The following EPM2A variants were observed in gnomAD, a reference collection of about 807,000 sequenced individuals.
EPM2A encodes EPM2A glucan phosphatase, laforin.
In EPM2A, 21 loss-of-function variants were observed where a neutral mutation model predicts 26.5. The observed-to-expected ratio is 0.79, with a 90% CI of 0.56 to 1.14. The LOEUF (loss-of-function observed/expected upper bound fraction) is 1.14, where lower values mean the gene tolerates loss of function less well. EPM2A is among the 50% of genes most tolerant of loss of function. EPM2A has a pLI of 0.00. For missense variants in EPM2A, 458 were observed against 440.8 expected (o/e 1.04, Z -0.35); for synonymous variants, 217 against 177.6 (o/e 1.22, Z -1.76).
chr6:145,616,728 G>A (rs1381126031), intron 2 of EPM2A, among the ~76,000 whole-genome samples: 1 of 152,230 alleles, frequency 6.6e-6, no homozygotes, highest in Non-Finnish European at 1.5e-5. Flanking sequence ...ATGAGACATG[G>A]AGTCAAAGGA....
At chr6:145,502,604 T>G (rs1416898333) in intron 2 of EPM2A, 1 of 470,724 alleles carries the variant, frequency 2.1e-6, no homozygotes, top group Non-Finnish European at 4.4e-6. Context: ...GAGTGGCAGC[T>G]TATTAAAACC....
At chr6:145,384,505 A>G (rs1778232663) in intron 4 of EPM2A, among the ~76,000 whole-genome samples, 1 of 147,782 alleles carries the variant, frequency 6.8e-6, no homozygotes, top group African/African-American at 2.5e-5. Flanking sequence ...GTAGGCTCTA[A>G]ACTGGATCAG....
intron 1 of EPM2A, chr6:145,721,736 A>G (rs1775960457): frequency 6.6e-6 from 1 of 152,248 alleles, no homozygotes; most frequent in Non-Finnish European, 1.5e-5. Context: ...CAAACACATG[A>G]GCATTATTTT....
At chr6:145,456,623 A>G (rs1425140084) in intron 4 of EPM2A, among the ~76,000 whole-genome samples, 1 of 152,180 alleles carries the variant, frequency 6.6e-6, no homozygotes, top group African/African-American at 2.4e-5. Flanking sequence ...ATTTCTACAA[A>G]CTTATTGGGG....
chr6:145,689,812 G>A (rs183590235), intron 1 of EPM2A, among the ~76,000 whole-genome samples: 72 of 152,346 alleles, frequency 4.7e-4, no homozygotes, highest in Non-Finnish European at 4.0e-4. Flanking sequence ...AGAGAAGGAT[G>A]AGTAGGGGTC....
At chr6:145,684,725 A>G (rs183651786) in intron 2 of EPM2A, 1 of 152,198 alleles carries the variant, frequency 6.6e-6, no homozygotes, top group South Asian at 2.1e-4. Context: ...AAAAATGACT[A>G]AAGTAGAACT....
rs777308612 is a variant in EPM2A at position 145,627,438 on chromosome 6, C to T, written c.974G>A (p.Arg325His). ...EDFFQKFGKV[R>H]SSVCSL Reference sequence around the variant, plus strand: ...CAGCTACAGGCTACACACAGAAGAACGAACCTTCCCAAATTTCTGGAAAAA... The same window carrying T: ...CAGCTACAGGCTACACACAGAAGAATGAACCTTCCCAAATTTCTGGAAAAA... The change falls in exon 4 of 4, where the codon CGT (arginine) becomes CAT (histidine). Residue 325 changes from arginine (R) to histidine (H), a missense_variant. Arg to His is a conservative substitution (Grantham distance 29, BLOSUM62 0). Coordinates refer to ENST00000367519, the MANE Select transcript of EPM2A (RefSeq NM_005670.4). 5.0e-6 allele frequency: 8 copies of T among 1,614,116 alleles called. No individual in the cohort carries two copies. The highest frequency in any genetic ancestry group is 2.7e-5 in the African/African-American group (2 of 74,948).
In EPM2A at chr6:145,407,241, A is replaced by T. The variant is rs1396645; in HGVS notation, c.556-23144T>A. 7.3e-3 allele frequency among the ~76,000 whole-genome samples: 1,110 copies of T among 152,198 alleles called. 16 individuals are homozygous for T. Among genetic ancestry groups the T allele is most frequent in the African/African-American group, 0.025 (1,052 of 41,534 alleles). On this transcript the variant is annotated intron_variant, in intron 4 of 4. Coordinates refer to the EPM2A transcript ENST00000638717. ...ATATATGGCCATGATATATGTTGGG[A>T]CAAAAGACATACACTAAGTATTTAA...
chr6:145,412,786 T>A (rs1405126581), intron 4 of EPM2A, among the ~76,000 whole-genome samples: 1 of 152,202 alleles, frequency 6.6e-6, no homozygotes, highest in Non-Finnish European at 1.5e-5. Flanking sequence ...ATGAACATCC[T>A]GTTGTGCTTG....
intron 2 of EPM2A, among the ~76,000 whole-genome samples, chr6:145,589,686 T>A (rs1781242930): frequency 1.3e-5 from 2 of 152,004 alleles, no homozygotes; most frequent in Non-Finnish European, 2.9e-5. Flanking sequence ...ATTAATAATA[T>A]CTGGAAGATG....
At chr6:145,653,456 T>C (rs1778038280) in intron 2 of EPM2A, among the ~76,000 whole-genome samples, 1 of 152,216 alleles carries the variant, frequency 6.6e-6, no homozygotes, top group Non-Finnish European at 1.5e-5. Context: ...CTTTTTTCTT[T>C]ATAAATTAGC....
chr6:145,467,382 C>T (rs1369234852), intron 4 of EPM2A, among the ~76,000 whole-genome samples: 1 of 152,120 alleles, frequency 6.6e-6, no homozygotes, highest in African/African-American at 2.4e-5. Flanking sequence ...TATCACATTG[C>T]CTTTGTCACA....
At chr6:145,448,897 C>A (rs538837480) in intron 4 of EPM2A, among the ~76,000 whole-genome samples, 1 of 152,198 alleles carries the variant, frequency 6.6e-6, no homozygotes, top group East Asian at 1.9e-4. Context: ...TGAGTTACAC[C>A]GATGCTGTCT....
chr6:145,715,342 C>T (rs992085375), intron 1 of EPM2A, among the ~76,000 whole-genome samples: 2 of 152,078 alleles, frequency 1.3e-5, no homozygotes, highest in Non-Finnish European at 2.9e-5. Flanking sequence ...AAGAACCGCA[C>T]AGGGACAGCT....
chr6:145,611,815 A>G (rs1775397782), intron 2 of EPM2A, among the ~76,000 whole-genome samples: 2 of 152,150 alleles, frequency 1.3e-5, no homozygotes, highest in South Asian at 4.1e-4. Flanking sequence ...CATTGATACT[A>G]AATTATAAAG....
intron 1 of EPM2A, among the ~76,000 whole-genome samples, chr6:145,718,049 T>C (rs1156441112): frequency 3.3e-5 from 5 of 151,628 alleles, no homozygotes; most frequent in Non-Finnish European, 7.4e-5. Context: ...CTGCCCAAGG[T>C]AATTTACAGA....
chr6:145,678,739 G>A (rs1335387879), intron 2 of EPM2A, among the ~76,000 whole-genome samples: 2 of 152,156 alleles, frequency 1.3e-5, no homozygotes, highest in African/African-American at 2.4e-5. Context: ...TCATTAAAAA[G>A]TCAGGAAACA....
At chr6:145,573,686 C>T (rs1209976546) in intron 2 of EPM2A, among the ~76,000 whole-genome samples, 2 of 152,150 alleles carry the variant, frequency 1.3e-5, no homozygotes, top group South Asian at 2.1e-4. Context: ...CCTTTCCCAC[C>T]GTAATAGCCT....
intron 2 of EPM2A, among the ~76,000 whole-genome samples, chr6:145,681,796 C>T (rs763179325): frequency 2.2e-4 from 34 of 152,124 alleles, no homozygotes; most frequent in Non-Finnish European, 4.3e-4. Flanking sequence ...TGCTTGTCAG[C>T]TTATATATGC....
Sources: allele counts gnomAD v4.1 joint callset (sites outside exome capture counted in the v4.1 genomes callset), GRCh38; gene constraint gnomAD v4.1.1; transcripts MANE v1.5; gene names NCBI Gene and HGNC (gene_info 2026-07-23, HGNC 2026-07-21).